Variants in CCDC68 observed in about 807,000 individuals in gnomAD.
CCDC68 encodes coiled-coil domain containing 68.
A neutral mutation model predicts 47.1 loss-of-function variants in CCDC68; 45 were observed. That is an observed-to-expected ratio of 0.96 (90% CI 0.75 to 1.23). The LOEUF (loss-of-function observed/expected upper bound fraction) is 1.23, where lower values mean the gene tolerates loss of function less well. CCDC68 is among the 50% of genes most tolerant of loss of function. The pLI, the probability that CCDC68 is intolerant of heterozygous loss-of-function variation, is 0.00. For missense variants in CCDC68, 353 were observed against 373.6 expected (o/e 0.94, Z 0.45); for synonymous variants, 131 against 129.5 (o/e 1.01, Z -0.08).
intron 1 of CCDC68, among the ~76,000 whole-genome samples, chr18:54,958,968 C>T (rs1479848982): frequency 2.0e-5 from 3 of 152,178 alleles, no homozygotes; most frequent in Admixed American, 1.3e-4. Context: ...GGGCGTTTAC[C>T]GCAGGACTTT....
At chr18:54,955,791 C>T (rs2044702667) in intron 1 of CCDC68, among the ~76,000 whole-genome samples, 2 of 152,228 alleles carry the variant, frequency 1.3e-5, no homozygotes, top group East Asian at 1.9e-4. Context: ...CATCTCAGCT[C>T]ACTGCAACCT....
At chr18:54,933,690 T>C (rs751755747) in intron 7 of CCDC68, among the ~76,000 whole-genome samples, 37 of 152,246 alleles carry the variant, frequency 2.4e-4, no homozygotes, top group Non-Finnish European at 3.2e-4. Flanking sequence ...GATAAACTAA[T>C]TGCTTAAGGA....
At chr18:54,918,770 T>A (rs1250153251) in intron 9 of CCDC68, among the ~76,000 whole-genome samples, 1 of 152,194 alleles carries the variant, frequency 6.6e-6, no homozygotes, top group African/African-American at 2.4e-5. Context: ...TCAATGCATA[T>A]CTTGAAGTAG....
At chr18:54,917,840 GACAC>G (rs59686916) in intron 10 of CCDC68, 69 bp downstream of exon 10, 7,760 of 724,206 alleles carry the variant, frequency 0.011, 176 homozygotes, top group African/African-American at 0.089. Flanking sequence ...CACGTGCACA[GACAC>G]ACACACACAC....
intron 8 of CCDC68, among the ~76,000 whole-genome samples, chr18:54,928,592 C>T (rs1462422462): frequency 6.6e-6 from 1 of 152,174 alleles, no homozygotes. Flanking sequence ...CTGCCCCCGG[C>T]TCCCAACTGC....
Position 54,901,616 on chromosome 18 carries a change from T to C in CCDC68, c.*2742A>G, listed in dbSNP as rs564487873. Reference sequence around the variant, plus strand: ...ATTATAAGCAATTATTCAAAAGATATACTATACTAATTGTTTAAACATTTT... The same window carrying C: ...ATTATAAGCAATTATTCAAAAGATACACTATACTAATTGTTTAAACATTTT... On this transcript the variant is annotated 3_prime_UTR_variant, in exon 12 of 12. Coordinates refer to ENST00000591504, the MANE Select transcript of CCDC68 (RefSeq NM_025214.3). 2.0e-5 allele frequency: 3 copies of C among 152,330 alleles called. No individual in the cohort carries two copies. Among genetic ancestry groups the C allele is most frequent in the South Asian group, 4.1e-4 (2 of 4,826 alleles). The allele number at this position is 152,330 out of a possible 1,614,324, so 9.4% of individuals were successfully genotyped here. A position where few individuals can be genotyped will look rare whatever the true frequency, so the allele number is the denominator to read the frequency against.
Position 54,936,824 on chromosome 18 carries a change from G to A in CCDC68, c.471+9C>T. ...TAGTTCTCCAATAGACAAGCTGCAT[G>A]TTTGGTACCTGGAGTAATTGTTTAC... On this transcript the variant is annotated intron_variant, in intron 6 of 11. Transcript: ENST00000591504. The A allele has an allele frequency of 6.2e-7, 1 of 1,614,000 alleles. No individual in the cohort carries two copies. The highest frequency in any genetic ancestry group is 8.5e-7 in the Non-Finnish European group (1 of 1,179,900).
At chr18:54,959,274 CAT>C (rs1227022447) in intron 1 of CCDC68, 60 bp downstream of exon 1, 2 of 152,542 alleles carry the variant, frequency 1.3e-5, no homozygotes, top group Non-Finnish European at 2.9e-5. Flanking sequence ...CACCCACACA[CAT>C]GGAGGGGATG....
At chr18:54,939,566 C>T (rs9953301) in intron 4 of CCDC68, among the ~76,000 whole-genome samples, 114,998 of 151,770 alleles carry the variant, frequency 0.76, 44,317 homozygotes, top group East Asian at 0.91. Context: ...AGGGCTGATG[C>T]TTTGATGCAT....
intron 1 of CCDC68, among the ~76,000 whole-genome samples, chr18:54,947,872 T>A (rs374398762): frequency 6.6e-6 from 1 of 152,224 alleles, no homozygotes; most frequent in Non-Finnish European, 1.5e-5. Flanking sequence ...TTATTGCTAA[T>A]GCACCGATAA....
intron 1 of CCDC68, among the ~76,000 whole-genome samples, chr18:54,956,802 A>G (rs953233730): frequency 4.6e-5 from 7 of 152,224 alleles, no homozygotes; most frequent in Non-Finnish European, 1.0e-4. Flanking sequence ...TTGGGGAATG[A>G]TGAAGTGATC....
intron 1 of CCDC68, among the ~76,000 whole-genome samples, chr18:54,958,631 T>C (rs545052594): frequency 6.6e-6 from 1 of 152,322 alleles, no homozygotes; most frequent in African/African-American, 2.4e-5. Context: ...TTCAATTTTG[T>C]CTTCACTTCC....
chr18:54,909,161 G>A (rs1011625002), intron 10 of CCDC68, among the ~76,000 whole-genome samples: 1 of 152,030 alleles, frequency 6.6e-6, no homozygotes, highest in Non-Finnish European at 1.5e-5. Context: ...TCACTTCCCA[G>A]ATCTGGAAAG....
intron 5 of CCDC68, chr18:54,937,210 C>T (rs948945095): frequency 6.0e-5 from 25 of 416,840 alleles, no homozygotes; most frequent in African/African-American, 5.0e-4. Context: ...TGCATAGTAA[C>T]GTCCTGCAGT....
chr18:54,948,560 A>G lies in CCDC68; in HGVS notation c.-102-3083T>C, dbSNP rs150991639. Among the ~76,000 whole-genome samples the G allele has an allele frequency of 1.8e-3, 271 of 152,326 alleles. 1 individual carries two copies. In the South Asian group the frequency reaches 0.024, roughly 14 times the overall value. On this transcript the variant is annotated intron_variant, in intron 1 of 11. Transcript: ENST00000591504. Reference sequence around the variant, plus strand: ...GAAAAGGATTACAGACACTGTTTATATTGTAGAGACTGTAACAAGAGTGTT... The same window carrying G: ...GAAAAGGATTACAGACACTGTTTATGTTGTAGAGACTGTAACAAGAGTGTT...
intron 7 of CCDC68, among the ~76,000 whole-genome samples, chr18:54,930,709 T>C (rs2044240749): frequency 8.1e-6 from 1 of 122,920 alleles, no homozygotes; most frequent in Non-Finnish European, 1.7e-5. Flanking sequence ...TCTCTCTCTC[T>C]CTCTCTCTCT....
chr18:54,916,987 G>A (rs114620394), intron 10 of CCDC68, among the ~76,000 whole-genome samples: 11 of 152,166 alleles, frequency 7.2e-5, no homozygotes, highest in Admixed American at 2.6e-4. Flanking sequence ...TCCACCTTCC[G>A]CCATGCCATG....
intron 1 of CCDC68, among the ~76,000 whole-genome samples, chr18:54,951,094 G>A (rs545132972): frequency 1.3e-5 from 2 of 150,624 alleles, no homozygotes; most frequent in African/African-American, 4.9e-5. Context: ...ATTTTTAGTA[G>A]AGACGGGGTT....
At chr18:54,958,400 T>C (rs986235356) in intron 1 of CCDC68, among the ~76,000 whole-genome samples, 1 of 152,240 alleles carries the variant, frequency 6.6e-6, no homozygotes, top group African/African-American at 2.4e-5. Context: ...TCAGTAGCTC[T>C]GAATATTTAA....
Sources: allele counts gnomAD v4.1 joint callset (sites outside exome capture counted in the v4.1 genomes callset), GRCh38; gene constraint gnomAD v4.1.1; transcripts MANE v1.5; gene names NCBI Gene and HGNC (gene_info 2026-07-23, HGNC 2026-07-21).